Variants in DNM3 observed in about 807,000 individuals in gnomAD.
DNM3 encodes dynamin 3, also known as dynamin-3.
Under a neutral mutation model 101.6 loss-of-function variants are expected in DNM3, and 47 were observed. The ratio of observed to expected loss-of-function variants is 0.46; its 90% CI spans 0.37 to 0.59. The LOEUF (loss-of-function observed/expected upper bound fraction) is 0.59, where lower values mean the gene tolerates loss of function less well. Among genes scored for constraint, DNM3 ranks in the 20% least tolerant of loss-of-function variants. The pLI is 0.00. For missense variants in DNM3, 849 were observed against 1,085.7 expected (o/e 0.78, Z 3.06); for synonymous variants, 385 against 387.9 (o/e 0.99, Z 0.09).
At position 172,107,965 on chromosome 1, in the gene DNM3, A is replaced by G. The variant is rs957824718; in HGVS notation, c.1545+15090A>G. Among the ~76,000 whole-genome samples the G allele has an allele frequency of 1.6e-4, 24 of 152,252 alleles. No homozygotes were observed. The East Asian group carries it at 4.1e-3, about 26-fold the overall frequency. On this transcript the variant is annotated intron_variant, in intron 13 of 20. Transcript: ENST00000627582. Reference sequence around the variant, plus strand: ...GTCCTGTATTATGTATTCATAAAAAAGAAAGCTTATGTTGATCAGAGCAGT... The same window carrying G: ...GTCCTGTATTATGTATTCATAAAAAGGAAAGCTTATGTTGATCAGAGCAGT...
intron 15 of DNM3, among the ~76,000 whole-genome samples, chr1:172,298,859 AAGAGAG>A (rs36121139): frequency 1.3e-5 from 2 of 148,908 alleles, no homozygotes; most frequent in African/African-American, 2.5e-5. Flanking sequence ...GAAAGAAAGA[AAGAGAG>A]AGAGAGAGAG....
At chr1:172,233,534 A>G (rs2148617997) in intron 14 of DNM3, among the ~76,000 whole-genome samples, 1 of 152,348 alleles carries the variant, frequency 6.6e-6, no homozygotes, top group African/African-American at 2.4e-5. Context: ...TCCCTAACTC[A>G]TTTTATGAGT....
At chr1:172,039,173 T>A (rs1200927705) in intron 7 of DNM3, among the ~76,000 whole-genome samples, 14 of 152,106 alleles carry the variant, frequency 9.2e-5, no homozygotes, top group Admixed American at 3.9e-4. Flanking sequence ...AGTTCCTTTA[T>A]CCTGTGCTGC....
At chr1:171,972,292 A>G (rs2044051567) in intron 2 of DNM3, among the ~76,000 whole-genome samples, 1 of 152,208 alleles carries the variant, frequency 6.6e-6, no homozygotes, top group Non-Finnish European at 1.5e-5. Flanking sequence ...CTTTATCTGT[A>G]AAGAGCAAGC....
rs1378372796 is a variant in DNM3, at chr1:172,409,268, C to T, written c.*1427C>T. ...TCTACAGAAGTAAATCAGGTTTCACCAACTGAAATGTCTCCCTTTGAAAGT... is the reference window on the plus strand; with the variant it reads ...TCTACAGAAGTAAATCAGGTTTCACTAACTGAAATGTCTCCCTTTGAAAGT... On this transcript the variant is annotated 3_prime_UTR_variant, in exon 21 of 21. Transcript: ENST00000627582. 1.0e-6 allele frequency: 1 copy of T among 985,338 alleles called. No individual in the cohort carries two copies. The highest frequency in any genetic ancestry group is 1.2e-6 in the Non-Finnish European group (1 of 829,892). 61.0% of individuals were successfully genotyped at this position (985,338 alleles called of 1,614,324 possible).
intron 4 of DNM3, among the ~76,000 whole-genome samples, chr1:172,010,812 G>A (rs181883032): frequency 9.3e-5 from 14 of 150,326 alleles, no homozygotes; most frequent in East Asian, 1.9e-4. Context: ...ACTCATGTTC[G>A]TGTTTTATTT....
chr1:172,181,240 A>T (rs1366220008), intron 14 of DNM3, among the ~76,000 whole-genome samples: 1 of 152,092 alleles, frequency 6.6e-6, no homozygotes, highest in East Asian at 1.9e-4. Context: ...GTACATTTCC[A>T]AGACAAGAAA....
chr1:171,847,884 C>CTGTGTG (rs1337751054), intron 1 of DNM3, among the ~76,000 whole-genome samples: 8 of 42,480 alleles, frequency 1.9e-4, no homozygotes, highest in African/African-American at 6.5e-4. Flanking sequence ...TAATTACTCT[C>CTGTGTG]TCTCTCTCTC....
At chr1:172,353,648 CTT>C (rs1448017556) in intron 17 of DNM3, among the ~76,000 whole-genome samples, 1 of 152,076 alleles carries the variant, frequency 6.6e-6, no homozygotes, top group Non-Finnish European at 1.5e-5. Context: ...AGCTCGGAAA[CTT>C]GAATTTTCAT....
At chr1:172,340,369 T>C (rs2066630937) in intron 17 of DNM3, among the ~76,000 whole-genome samples, 1 of 152,234 alleles carries the variant, frequency 6.6e-6, no homozygotes, top group East Asian at 1.9e-4. Context: ...TCTCAGTTTC[T>C]GTTTCCATAG....
chr1:172,043,044 C>T (rs1046449687), intron 8 of DNM3, among the ~76,000 whole-genome samples: 3 of 152,108 alleles, frequency 2.0e-5, no homozygotes, highest in Non-Finnish European at 4.4e-5. Context: ...TATAAACACA[C>T]AGGCCCAGGG....
At position 172,408,362 on chromosome 1, in the gene DNM3, AT is replaced by A. The variant is rs972604083; in HGVS notation, c.*527del. ...TATTTCATAAGACTGCTAGGAAGTGATTTTTTAAAATTAGGACTCCTTAAGA... is the reference window on the plus strand; with the variant it reads ...TATTTCATAAGACTGCTAGGAAGTGATTTTTAAAATTAGGACTCCTTAAGA... On this transcript the variant is annotated 3_prime_UTR_variant, in exon 21 of 21. Coordinates refer to ENST00000627582, the MANE Select transcript of DNM3 (RefSeq NM_015569.5). 4.3e-5 allele frequency: 42 copies of A among 986,204 alleles called. No individual in the cohort carries two copies. Among genetic ancestry groups the A allele is most frequent in the Non-Finnish European group, 4.9e-5 (41 of 830,574 alleles). The allele number at this position is 986,204 out of a possible 1,614,324, so 61.1% of individuals were successfully genotyped here.
chr1:172,392,395 C>A (rs2069597661), intron 20 of DNM3, among the ~76,000 whole-genome samples: 1 of 148,182 alleles, frequency 6.7e-6, no homozygotes, highest in Non-Finnish European at 1.5e-5. Context: ...TCTGAAGGGG[C>A]TAAATGCTGT....
At chr1:172,382,123 C>T (rs755699362) in intron 18 of DNM3, among the ~76,000 whole-genome samples, 1 of 152,146 alleles carries the variant, frequency 6.6e-6, no homozygotes, top group South Asian at 2.1e-4. Flanking sequence ...CTCAGACATA[C>T]TGTAAGCCTT....
intron 20 of DNM3, among the ~76,000 whole-genome samples, chr1:172,395,090 C>T (rs530098584): frequency 2.0e-5 from 3 of 152,238 alleles, no homozygotes; most frequent in East Asian, 3.9e-4. Context: ...AGCTCTTTCA[C>T]CTCTAAATTT....
At chr1:171,983,597 C>T (rs907563184) in intron 2 of DNM3, among the ~76,000 whole-genome samples, 5 of 152,160 alleles carry the variant, frequency 3.3e-5, no homozygotes, top group South Asian at 2.1e-4. Flanking sequence ...GCCTGGTACT[C>T]TGACCTCTTC....
chr1:172,233,353 C>G (rs2061412012), intron 14 of DNM3, among the ~76,000 whole-genome samples: 2 of 152,136 alleles, frequency 1.3e-5, no homozygotes, highest in Non-Finnish European at 2.9e-5. Flanking sequence ...GAAGTTGAAT[C>G]TCTGAATAGA....
intron 14 of DNM3, among the ~76,000 whole-genome samples, chr1:172,176,273 C>A (rs191540060): frequency 6.6e-6 from 1 of 151,666 alleles, no homozygotes; most frequent in African/African-American, 2.4e-5. Flanking sequence ...AGTAAAGAAG[C>A]TATGAACTAA....
chr1:171,990,190 C>T (rs1191150462), intron 4 of DNM3, among the ~76,000 whole-genome samples: 1 of 152,108 alleles, frequency 6.6e-6, no homozygotes, highest in Non-Finnish European at 1.5e-5. Flanking sequence ...TCTACATTGT[C>T]TGAATCTATT....
Sources: gnomAD v4.1 joint callset for allele counts (sites outside exome capture counted in the v4.1 genomes callset) on GRCh38, gnomAD v4.1.1 for gene constraint, MANE v1.5 for transcripts, NCBI Gene and HGNC (gene_info 2026-07-23, HGNC 2026-07-21) for gene names.